DEUP1: variants seen among roughly 807,000 people sequenced by gnomAD.
The protein encoded by DEUP1 is coiled-coil domain containing 67.
Under a neutral mutation model 87.4 loss-of-function variants are expected in DEUP1, and 82 were observed. The observed-to-expected ratio is 0.94, with a 90% CI of 0.78 to 1.13. DEUP1 has a LOEUF of 1.13. Among genes scored for constraint, DEUP1 ranks in the 50% most tolerant of loss-of-function variants. DEUP1 has a pLI of 0.00. For missense variants in DEUP1, 663 were observed against 681.5 expected (o/e 0.97, Z 0.30); for synonymous variants, 214 against 222.7 (o/e 0.96, Z 0.35).
chr11:93,332,259 C>T lies in DEUP1; in HGVS notation c.-1C>T. Reference sequence around the variant, plus strand: ...TAAACCAGATGTAGCAGTTTCTTGACATGGAGAACCAAGCCCATAATACGA... The same window carrying T: ...TAAACCAGATGTAGCAGTTTCTTGATATGGAGAACCAAGCCCATAATACGA... On this transcript the variant is annotated 5_prime_UTR_variant, in exon 2 of 14. Coordinates refer to ENST00000298050, the MANE Select transcript of DEUP1 (RefSeq NM_181645.4). 3 of 1,607,864 alleles carry T rather than the reference C, an allele frequency of 1.9e-6. No homozygotes were observed. Among genetic ancestry groups the T allele is most frequent in the Non-Finnish European group, 2.5e-6 (3 of 1,176,560 alleles).
intron 2 of DEUP1, among the ~76,000 whole-genome samples, chr11:93,342,889 A>G (rs971277948): frequency 1.3e-5 from 2 of 152,272 alleles, no homozygotes; most frequent in African/African-American, 4.8e-5. Flanking sequence ...TAGGATCATG[A>G]GGGGTTTTTA....
chr11:93,350,778 C>T (rs151247415), intron 2 of DEUP1, among the ~76,000 whole-genome samples: 1,852 of 151,404 alleles, frequency 0.012, 38 homozygotes, highest in African/African-American at 0.043. Context: ...GATGAAACCC[C>T]GTCTCTACTA....
chr11:93,346,643 A>G (rs149747052), intron 2 of DEUP1, among the ~76,000 whole-genome samples: 1,569 of 152,286 alleles, frequency 0.01, 33 homozygotes, highest in African/African-American at 0.035. Flanking sequence ...CAGTATGGCC[A>G]TTTTAGTGAT....
intron 13 of DEUP1, among the ~76,000 whole-genome samples, chr11:93,429,392 AC>A (rs1167018098): frequency 6.6e-6 from 1 of 152,194 alleles, no homozygotes; most frequent in Non-Finnish European, 1.5e-5. Context: ...CATCAATAAA[AC>A]TTTGATCACT....
At chr11:93,375,170 G>T (rs12277362) in intron 7 of DEUP1, among the ~76,000 whole-genome samples, 1 of 151,472 alleles carries the variant, frequency 6.6e-6, no homozygotes, top group Non-Finnish European at 1.5e-5. Context: ...GAATTCATTT[G>T]TCAGTTCTAG....
At chr11:93,357,753 CAT>C (rs1428874910) in intron 4 of DEUP1, among the ~76,000 whole-genome samples, 2 of 152,114 alleles carry the variant, frequency 1.3e-5, no homozygotes, top group South Asian at 4.1e-4. Flanking sequence ...AAATATTTCA[CAT>C]ATGATAATTT....
chr11:93,366,374 C>T (rs1465989599), intron 5 of DEUP1, among the ~76,000 whole-genome samples: 1 of 152,132 alleles, frequency 6.6e-6, no homozygotes, highest in Non-Finnish European at 1.5e-5. Context: ...TTTAAAACAT[C>T]TAATAATACA....
intron 11 of DEUP1, among the ~76,000 whole-genome samples, chr11:93,401,697 C>T (rs1472598680): frequency 6.6e-6 from 1 of 151,846 alleles, no homozygotes. Context: ...TTCACACCCA[C>T]TAGAATGACT....
At chr11:93,415,981 G>A (rs1947608622) in intron 13 of DEUP1, among the ~76,000 whole-genome samples, 1 of 152,030 alleles carries the variant, frequency 6.6e-6, no homozygotes, top group South Asian at 2.1e-4. Flanking sequence ...TTTGGTGCAT[G>A]TGTATATACA....
At chr11:93,394,701 C>A in intron 10 of DEUP1, 45 bp downstream of exon 10, 1 of 1,363,506 alleles carries the variant, frequency 7.3e-7, no homozygotes, top group Non-Finnish European at 1.0e-6. Flanking sequence ...CACATTCTTG[C>A]TCAGTGCCAA....
At position 93,394,662 on chromosome 11, in the gene DEUP1, C is replaced by G; in HGVS notation, c.1239+6C>G. On this transcript the variant is annotated splice_donor_region_variant and intron_variant, in intron 10 of 13. Coordinates refer to ENST00000298050, the MANE Select transcript of DEUP1 (RefSeq NM_181645.4). ...AAATGTTAGCAAAACAAAAGGTATG[C>G]AAGCAGGCAGAATAGCACTTGTCTA... 6.2e-7 allele frequency: 1 copy of G among 1,601,380 alleles called. No individual in the cohort carries two copies.
rs1455928286 is a variant in DEUP1 at position 93,382,168 on chromosome 11, A to G, written c.790-3230A>G. On this transcript the variant is annotated intron_variant, in intron 7 of 13. Transcript: ENST00000298050. Reference sequence around the variant, plus strand: ...TTCACAAATAATTGATTTGACTTTCATGCAGAAGCATACTAATTTTAAAAC... The same window carrying G: ...TTCACAAATAATTGATTTGACTTTCGTGCAGAAGCATACTAATTTTAAAAC... 2.6e-5 allele frequency among the ~76,000 whole-genome samples: 4 copies of G among 152,318 alleles called. No homozygotes were observed. The East Asian group carries it at 7.7e-4, about 29-fold the overall frequency.
In DEUP1 at chr11:93,434,122, G is replaced by C. The variant is rs75777410; in HGVS notation, c.1639-3421G>C. ...GGGGACCAACCACCATGGTCAACCT[G>C]TTGCACCACTCAGAACCACCTTCTT... On this transcript the variant is annotated intron_variant, in intron 13 of 13. Coordinates refer to ENST00000298050, the MANE Select transcript of DEUP1 (RefSeq NM_181645.4). Among the ~76,000 whole-genome samples, 1,155 of 152,310 alleles carry C rather than the reference G, an allele frequency of 7.6e-3. 13 individuals are homozygous for C. Among genetic ancestry groups the C allele is most frequent in the African/African-American group, 0.027 (1,113 of 41,570 alleles).
At chr11:93,414,810 T>C (rs1947555376) in intron 12 of DEUP1, among the ~76,000 whole-genome samples, 190 bp from the exon 13 acceptor site, 1 of 152,206 alleles carries the variant, frequency 6.6e-6, no homozygotes, top group South Asian at 2.1e-4. Context: ...TTTTAATCAT[T>C]CTAAGTCCTT....
At chr11:93,435,424 G>A (rs749227871) in intron 13 of DEUP1, among the ~76,000 whole-genome samples, 1 of 152,186 alleles carries the variant, frequency 6.6e-6, no homozygotes, top group Non-Finnish European at 1.5e-5. Context: ...CCACTTGCTG[G>A]AGTCTCAACC....
At chr11:93,386,998 C>G (rs1324115132) in intron 8 of DEUP1, among the ~76,000 whole-genome samples, 1 of 152,120 alleles carries the variant, frequency 6.6e-6, no homozygotes, top group Admixed American at 6.5e-5. Context: ...ACTATTTGAT[C>G]TAAAATCTTG....
At chr11:93,347,716 C>CA (rs1944423140) in intron 2 of DEUP1, among the ~76,000 whole-genome samples, 1 of 151,856 alleles carries the variant, frequency 6.6e-6, no homozygotes, top group African/African-American at 2.4e-5. Context: ...TTCAGAGATT[C>CA]AGTTTTTTGG....
chr11:93,394,291 A>G (rs995895739), intron 9 of DEUP1, among the ~76,000 whole-genome samples, 168 bp from the exon 10 acceptor site: 1 of 152,216 alleles, frequency 6.6e-6, no homozygotes, highest in African/African-American at 2.4e-5. Flanking sequence ...AAAGGTAATG[A>G]GTCATTATTA....
intron 13 of DEUP1, among the ~76,000 whole-genome samples, chr11:93,433,598 C>A (rs1285211633): frequency 1.3e-5 from 2 of 152,192 alleles, no homozygotes; most frequent in Admixed American, 6.5e-5. Context: ...TTACCTTTTT[C>A]TCTTTCTCAG....
Sources: gnomAD v4.1 joint callset for allele counts (sites outside exome capture counted in the v4.1 genomes callset) on GRCh38, gnomAD v4.1.1 for gene constraint, MANE v1.5 for transcripts, NCBI Gene and HGNC (gene_info 2026-07-23, HGNC 2026-07-21) for gene names.